The following GLIS3 variants were observed in gnomAD, a reference collection of about 807,000 sequenced individuals.
The protein encoded by GLIS3 is zinc finger protein GLIS3.
In GLIS3, 53 loss-of-function variants were observed where a neutral mutation model predicts 78.6. The ratio of observed to expected loss-of-function variants is 0.67; its 90% CI spans 0.54 to 0.85. The LOEUF (loss-of-function observed/expected upper bound fraction) is 0.85. GLIS3 is among the 40% of genes least tolerant of loss of function. The probability of loss-of-function intolerance (pLI) is 0.00; values close to 1 mark genes in which losing one functional copy is unlikely to be tolerated. For synonymous variants in GLIS3, 684 were observed against 509.9 expected, an observed-to-expected ratio of 1.34 and a Z score of -4.60; for missense variants, 1,703 against 1,231.1, an observed-to-expected ratio of 1.38 and a Z score of -5.74.
At chr9:4,055,787 G>C (rs1255514446) in intron 4 of GLIS3, among the ~76,000 whole-genome samples, 1 of 152,206 alleles carries the variant, frequency 6.6e-6, no homozygotes, top group African/African-American at 2.4e-5. Flanking sequence ...CCAACTTCCA[G>C]CTTCATTGGA....
chr9:4,464,376 T>A, the GLIS3 span, among the ~76,000 whole-genome samples: 1 of 151,362 alleles, frequency 6.6e-6, no homozygotes, highest in Non-Finnish European at 1.5e-5. Flanking sequence ...TTATTTTTTA[T>A]AATTTTATTT....
chr9:4,203,603 G>C (rs1201646808), intron 2 of GLIS3, among the ~76,000 whole-genome samples: 2 of 151,980 alleles, frequency 1.3e-5, no homozygotes, highest in South Asian at 2.1e-4. Context: ...ACTGGATCTG[G>C]GTATATATCC....
chr9:4,246,028 T>C (rs983192165), intron 2 of GLIS3, among the ~76,000 whole-genome samples: 4 of 152,150 alleles, frequency 2.6e-5, no homozygotes, highest in African/African-American at 7.2e-5. Flanking sequence ...GAAACATCCA[T>C]TGTGAGTAGG....
the GLIS3 span, among the ~76,000 whole-genome samples, chr9:4,414,240 A>C: frequency 6.6e-6 from 1 of 152,222 alleles, no homozygotes. Context: ...AGGGAAGGAC[A>C]GATTTTAGAT....
chr9:4,366,380 GA>G, the GLIS3 span, among the ~76,000 whole-genome samples: 11 of 151,892 alleles, frequency 7.2e-5, no homozygotes, highest in African/African-American at 2.7e-4. Flanking sequence ...GTTAAAACGT[GA>G]AAAAAAACCC....
chr9:4,458,389 T>C, the GLIS3 span, among the ~76,000 whole-genome samples: 2 of 152,114 alleles, frequency 1.3e-5, no homozygotes, highest in Non-Finnish European at 2.9e-5. Flanking sequence ...ACAAATAACA[T>C]GCCAGGTAGT....
At chr9:3,955,582 T>C (rs1489207584) in intron 4 of GLIS3, among the ~76,000 whole-genome samples, 1 of 152,090 alleles carries the variant, frequency 6.6e-6, no homozygotes, top group East Asian at 1.9e-4. Context: ...GTAGTTATGG[T>C]TGGCGTTGGA....
At chr9:4,344,192 G>C (rs1047428443) in intron 2 of GLIS3, among the ~76,000 whole-genome samples, 2 of 151,864 alleles carry the variant, frequency 1.3e-5, no homozygotes, top group African/African-American at 4.8e-5. Context: ...CAAGTCTCCC[G>C]ATAAAATTCA....
At chr9:4,142,733 A>G (rs1298494700) in intron 2 of GLIS3, among the ~76,000 whole-genome samples, 2 of 152,232 alleles carry the variant, frequency 1.3e-5, no homozygotes, top group African/African-American at 4.8e-5. Context: ...TCTCCAAAGT[A>G]TTTCCAATAA....
chr9:4,130,790 G>A (rs1026780843), intron 2 of GLIS3, among the ~76,000 whole-genome samples: 1 of 152,188 alleles, frequency 6.6e-6, no homozygotes, highest in African/African-American at 2.4e-5. Flanking sequence ...AGTCTCCACT[G>A]CAGTACTGCG....
chr9:4,109,131 C>A (rs921158314), intron 4 of GLIS3, among the ~76,000 whole-genome samples: 1 of 151,520 alleles, frequency 6.6e-6, no homozygotes, highest in Non-Finnish European at 1.5e-5. Context: ...TTAATTTAGT[C>A]TGAGCAGAAA....
At chr9:4,400,058 C>G in the GLIS3 span, among the ~76,000 whole-genome samples, 1 of 152,136 alleles carries the variant, frequency 6.6e-6, no homozygotes, top group South Asian at 2.1e-4. Flanking sequence ...TTATGAAGAA[C>G]CTTGGAAGCC....
At chr9:3,848,971 G>T (rs1423394168) in intron 9 of GLIS3, among the ~76,000 whole-genome samples, 2 of 152,246 alleles carry the variant, frequency 1.3e-5, no homozygotes, top group East Asian at 3.8e-4. Flanking sequence ...GGAACCACAG[G>T]AGCCGTGAAC....
chr9:4,109,401 T>G (rs1831030627), intron 4 of GLIS3, among the ~76,000 whole-genome samples: 2 of 152,224 alleles, frequency 1.3e-5, no homozygotes, highest in African/African-American at 4.8e-5. Context: ...GATTTTTAAT[T>G]GTTTTCTTTA....
chr9:3,921,350 C>T (rs1824875099), intron 6 of GLIS3, among the ~76,000 whole-genome samples: 1 of 152,196 alleles, frequency 6.6e-6, no homozygotes, highest in African/African-American at 2.4e-5. Flanking sequence ...ATCACACAAT[C>T]GCCCTGTGGA....
At chr9:4,437,472 AT>A in the GLIS3 span, among the ~76,000 whole-genome samples, 105 of 128,648 alleles carry the variant, frequency 8.2e-4, no homozygotes, top group African/African-American at 2.9e-3. Context: ...ATCTATCTAT[AT>A]ATCATTTAAT....
the GLIS3 span, among the ~76,000 whole-genome samples, chr9:4,404,731 A>G: frequency 5.1e-4 from 78 of 152,248 alleles, no homozygotes; most frequent in African/African-American, 1.6e-3. Flanking sequence ...GTACTGAGAT[A>G]AATTTATAGC....
intron 4 of GLIS3, chr9:4,054,611 A>T (rs1159870225): frequency 2.9e-6 from 1 of 343,370 alleles, no homozygotes; most frequent in Non-Finnish European, 4.1e-6. Flanking sequence ...GAGCTTAAAG[A>T]TCTAATTGTC....
intron 4 of GLIS3, among the ~76,000 whole-genome samples, chr9:3,994,029 TCC>T (rs540899720): frequency 6.5e-4 from 99 of 152,330 alleles, no homozygotes; most frequent in African/African-American, 2.3e-3. Flanking sequence ...GATTTCTGCG[TCC>T]CACCCTCAGA....
Sources: gnomAD v4.1 joint callset for allele counts (sites outside exome capture counted in the v4.1 genomes callset) on GRCh38, gnomAD v4.1.1 for gene constraint, MANE v1.5 for transcripts, NCBI Gene and HGNC (gene_info 2026-07-23, HGNC 2026-07-21) for gene names.